RPS6KA3: variants seen among roughly 807,000 people sequenced by gnomAD.
RPS6KA3 encodes the protein ribosomal protein S6 kinase alpha-3.
In RPS6KA3, 4 loss-of-function variants were observed where a neutral mutation model predicts 67.2. The ratio of observed to expected loss-of-function variants is 0.06; its 90% CI spans 0.03 to 0.14. The LOEUF (loss-of-function observed/expected upper bound fraction) is 0.14, where lower values mean the gene tolerates loss of function less well. Among genes scored for constraint, RPS6KA3 ranks in the 10% least tolerant of loss-of-function variants. The pLI is 1.00. For missense variants in RPS6KA3, 204 were observed against 559.0 expected (o/e 0.36, Z 6.40); for synonymous variants, 182 against 183.7 (o/e 0.99, Z 0.07).
chrX:20,218,787 G>A (rs901298264), intron 2 of RPS6KA3: 4 of 1,112,280 alleles, frequency 3.6e-6, no homozygotes, highest in Admixed American at 2.3e-5. Flanking sequence ...AAAAGAAGCT[G>A]AACAGAGCTT....
intron 1 of RPS6KA3, among the ~76,000 whole-genome samples, chrX:20,246,368 T>C (rs910844729): frequency 1.5e-4 from 17 of 110,912 alleles, no homozygotes; most frequent in Middle Eastern, 4.6e-3. Context: ...TCTTTCCTCC[T>C]GCTCATCTTG....
Position 20,212,230 on chromosome X carries a change from G to A in RPS6KA3, c.127-2826C>T, listed in dbSNP as rs754010287. Among the ~76,000 whole-genome samples, 114 of 112,031 alleles carry A rather than the reference G, an allele frequency of 1.0e-3. 1 individual carries two copies. The highest frequency in any genetic ancestry group is 1.2e-3 in the Non-Finnish European group (65 of 53,204). On this transcript the variant is annotated intron_variant, in intron 2 of 21. Coordinates refer to ENST00000379565, the MANE Select transcript of RPS6KA3 (RefSeq NM_004586.3). ...ATGCAGAGTCTGGCTGGACACGGTG[G>A]CTCATGCCTGTAATCCCAGCACTTT...
intron 20 of RPS6KA3, among the ~76,000 whole-genome samples, chrX:20,157,009 G>C (rs2067202496): frequency 9.0e-6 from 1 of 111,308 alleles, no homozygotes; most frequent in African/African-American, 3.3e-5. Flanking sequence ...ATGGGCATTA[G>C]AGAATAATCA....
chrX:20,166,463 T>G lies in RPS6KA3; in HGVS notation c.1602+1126A>C, dbSNP rs1603419814. Among the ~76,000 whole-genome samples the G allele has an allele frequency of 2.7e-5, 3 of 111,465 alleles. No homozygotes were observed. In the East Asian group the frequency reaches 8.4e-4, roughly 31 times the overall value. On this transcript the variant is annotated intron_variant, in intron 17 of 21. Coordinates refer to ENST00000379565, the MANE Select transcript of RPS6KA3 (RefSeq NM_004586.3). ...AAGCTCCAGAATTAACACATTCTAC[T>G]TGGCTTTCAGGGGCAAAGACAAAAC...
At chrX:20,157,560 G>A (rs1275758381) in intron 20 of RPS6KA3, among the ~76,000 whole-genome samples, 2 of 109,769 alleles carry the variant, frequency 1.8e-5, no homozygotes, top group Admixed American at 9.8e-5. Flanking sequence ...TCAGTTCAGT[G>A]AAGGAGAGAT....
At chrX:20,185,242 C>T (rs958785286) in intron 10 of RPS6KA3, among the ~76,000 whole-genome samples, 13 of 112,004 alleles carry the variant, frequency 1.2e-4, no homozygotes, top group African/African-American at 3.2e-4. Context: ...CCACTGTGCC[C>T]GGATAAAAAT....
In RPS6KA3 at chrX:20,153,941, G is replaced by A. The variant is rs906135910; in HGVS notation, c.*1457C>T. 1.8e-5 allele frequency: 2 copies of A among 112,301 alleles called. No individual in the cohort carries two copies. Among genetic ancestry groups the A allele is most frequent in the African/African-American group, 6.5e-5 (2 of 30,864 alleles). 9.3% of individuals were successfully genotyped at this position (112,301 alleles called of 1,213,427 possible). ...CGGCCTGTAGGGGCACATTCTTGAT[G>A]AGGTAAGTTAAATCACTTTTTTCTT... is the stretch of plus-strand genomic sequence containing the variant. On this transcript the variant is annotated 3_prime_UTR_variant, in exon 22 of 22. Transcript: ENST00000379565.
intron 1 of RPS6KA3, among the ~76,000 whole-genome samples, chrX:20,250,147 G>C (rs1477107887): frequency 9.0e-6 from 1 of 111,495 alleles, no homozygotes; most frequent in Non-Finnish European, 1.9e-5. Context: ...ACAGTATTTT[G>C]AGTACTGGAT....
chrX:20,153,124 T>TA lies in RPS6KA3; in HGVS notation c.*2273dup, dbSNP rs1371417440. 9.0e-6 allele frequency: 1 copy of TA among 111,591 alleles called. No individual in the cohort carries two copies. Among genetic ancestry groups the TA allele is most frequent in the Non-Finnish European group, 1.9e-5 (1 of 53,105 alleles). The allele number at this position is 111,591 out of a possible 1,213,427, so 9.2% of individuals were successfully genotyped here. A position where few individuals can be genotyped will look rare whatever the true frequency, so the allele number is the denominator to read the frequency against. On this transcript the variant is annotated 3_prime_UTR_variant, in exon 22 of 22. Coordinates refer to ENST00000379565, the MANE Select transcript of RPS6KA3 (RefSeq NM_004586.3). ...AAGCAATTACGGAGTAGCATCAGTG[T>TA]AAAAAAATCTGAAAATATATCTATT...
chrX:20,172,697 T>A (rs749131556), intron 15 of RPS6KA3, 49 bp downstream of exon 15: 7 of 1,091,671 alleles, frequency 6.4e-6, no homozygotes, highest in Non-Finnish European at 8.7e-6. Flanking sequence ...GGTACTGACA[T>A]GCATGAACAA....
intron 2 of RPS6KA3, among the ~76,000 whole-genome samples, chrX:20,220,210 A>G (rs1449975637): frequency 1.9e-5 from 2 of 106,908 alleles, no homozygotes; most frequent in Non-Finnish European, 3.9e-5. Context: ...AAGAGTAACT[A>G]AAAAAAAAAC....
intron 18 of RPS6KA3, among the ~76,000 whole-genome samples, chrX:20,164,386 GTTTT>G (rs397977193): frequency 1.2e-5 from 1 of 84,633 alleles, no homozygotes. Flanking sequence ...CTGAAGGGTT[GTTTT>G]TTTTTTTTTT....
intron 1 of RPS6KA3, among the ~76,000 whole-genome samples, chrX:20,246,378 G>T (rs1189406076): frequency 9.0e-6 from 1 of 110,821 alleles, no homozygotes; most frequent in Non-Finnish European, 1.9e-5. Context: ...TGCTCATCTT[G>T]TCAGGGGAAA....
rs1010037922 is a variant in RPS6KA3, at chrX:20,154,082, T to A, written c.*1316A>T. The A allele has an allele frequency of 4.5e-5, 5 of 112,191 alleles. No homozygotes were observed. The highest frequency in any genetic ancestry group is 1.6e-4 in the African/African-American group (5 of 30,874). 9.2% of individuals were successfully genotyped at this position (112,191 alleles called of 1,213,427 possible). A position where few individuals can be genotyped will look rare whatever the true frequency, so the allele number is the denominator to read the frequency against. On this transcript the variant is annotated 3_prime_UTR_variant, in exon 22 of 22. Coordinates refer to ENST00000379565, the MANE Select transcript of RPS6KA3 (RefSeq NM_004586.3). ...AATACGATTGTGGAAACTACCAAAT[T>A]AGATGCAGATAATGAATACTGCAAT...
intron 2 of RPS6KA3, among the ~76,000 whole-genome samples, chrX:20,217,326 TAAAGA>T (rs1200544535): frequency 1.8e-5 from 2 of 112,777 alleles, no homozygotes; most frequent in Non-Finnish European, 3.8e-5. Flanking sequence ...TAAAAAGGAT[TAAAGA>T]AAAGAAACTG....
At chrX:20,186,680 T>C (rs1469316934) in intron 9 of RPS6KA3, among the ~76,000 whole-genome samples, 1 of 109,567 alleles carries the variant, frequency 9.1e-6, no homozygotes, top group Non-Finnish European at 1.9e-5. Context: ...GAAGCTTCCA[T>C]CTCCTGGGCT....
At chrX:20,215,867 C>T (rs1481310942) in intron 2 of RPS6KA3, among the ~76,000 whole-genome samples, 13 of 112,300 alleles carry the variant, frequency 1.2e-4, no homozygotes, top group Non-Finnish European at 3.8e-5. Flanking sequence ...CACTAAATCA[C>T]CTGTTACTGA....
chrX:20,209,139 A>G (rs2068644665), intron 3 of RPS6KA3, 149 bp downstream of exon 3: 1 of 465,397 alleles, frequency 2.1e-6, no homozygotes, highest in Admixed American at 3.2e-5. Flanking sequence ...TCACTTTCCC[A>G]CTTACTGATA....
chrX:20,175,604 T>A (rs899720106), intron 13 of RPS6KA3, among the ~76,000 whole-genome samples: 1 of 112,246 alleles, frequency 8.9e-6, no homozygotes, highest in African/African-American at 3.2e-5. Context: ...CCTGAAATGA[T>A]GGAAATTTTC....
Sources: gnomAD v4.1 joint callset for allele counts (sites outside exome capture counted in the v4.1 genomes callset) on GRCh38, gnomAD v4.1.1 for gene constraint, MANE v1.5 for transcripts, NCBI Gene and HGNC (gene_info 2026-07-23, HGNC 2026-07-21) for gene names.